ESYT2: variants seen among roughly 807,000 people sequenced by gnomAD.
ESYT2 encodes extended synaptotagmin 2, also known as extended synaptotagmin-2.
ESYT2 carries 54 observed loss-of-function variants against 107.2 expected under a neutral mutation model. The ratio of observed to expected loss-of-function variants is 0.50; its 90% CI spans 0.40 to 0.63. The LOEUF (loss-of-function observed/expected upper bound fraction) is 0.63, where lower values mean the gene tolerates loss of function less well. Ranked by LOEUF, ESYT2 falls within the 30% of genes least tolerant of loss-of-function variation. ESYT2 has a pLI of 0.00. For synonymous variants in ESYT2, 491 were observed against 434.1 expected, an observed-to-expected ratio of 1.13 and a Z score of -1.63; for missense variants, 1,020 against 1,094.5, an observed-to-expected ratio of 0.93 and a Z score of 0.96.
intron 21 of ESYT2, among the ~76,000 whole-genome samples, chr7:158,734,731 T>C (rs982860201): frequency 6.6e-6 from 1 of 152,246 alleles, no homozygotes; most frequent in Non-Finnish European, 1.5e-5. Context: ...GAAGCTGCAG[T>C]GAGCCATGAT....
intron 20 of ESYT2, among the ~76,000 whole-genome samples, chr7:158,735,911 A>G (rs3816465): frequency 0.71 from 107,874 of 151,984 alleles, 39,300 homozygotes; most frequent in Non-Finnish European, 0.79. Flanking sequence ...CTTCCAGGGG[A>G]TTAAAATGTG....
rs954972267 is a variant in ESYT2 at position 158,731,267 on chromosome 7, A to G, written c.*2940T>C. ...AAAAGGAATTCTTACCGTGCAGAAT[A>G]TATTATCATGGTAAATACAGTTACA... On this transcript the variant is annotated 3_prime_UTR_variant, in exon 23 of 23. Coordinates refer to ENST00000275418, the MANE Select transcript of ESYT2 (RefSeq NM_001367773.1). The G allele has an allele frequency of 6.6e-6, 1 of 152,236 alleles. No homozygotes were observed. Among genetic ancestry groups the G allele is most frequent in the Non-Finnish European group, 1.5e-5 (1 of 68,052 alleles). 9.4% of individuals were successfully genotyped at this position (152,236 alleles called of 1,614,324 possible). A position where few individuals can be genotyped will look rare whatever the true frequency, so the allele number is the denominator to read the frequency against.
At chr7:158,769,079 A>G (rs545883751) in intron 7 of ESYT2, among the ~76,000 whole-genome samples, 13 of 148,038 alleles carry the variant, frequency 8.8e-5, no homozygotes, top group African/African-American at 3.3e-4. Context: ...ATAATTACAA[A>G]TAAATTCTGA....
chr7:158,735,731 G>A, intron 20 of ESYT2, 123 bp from the exon 21 acceptor site: 6 of 851,170 alleles, frequency 7.0e-6, no homozygotes. Context: ...TTATAAAACT[G>A]AGTTCTTCTA....
intron 1 of ESYT2, among the ~76,000 whole-genome samples, chr7:158,818,268 CCTT>C (rs1451046268): frequency 6.6e-6 from 1 of 152,088 alleles, no homozygotes; most frequent in Non-Finnish European, 1.5e-5. Context: ...TTAGCCATGT[CCTT>C]GGAACAATAT....
chr7:158,735,101 C>A (rs187996765), intron 21 of ESYT2, among the ~76,000 whole-genome samples: 194 of 152,338 alleles, frequency 1.3e-3, no homozygotes, highest in African/African-American at 4.2e-3. Context: ...GCCCGTGACT[C>A]AAATCTCTTC....
intron 1 of ESYT2, among the ~76,000 whole-genome samples, chr7:158,810,768 A>C (rs1172431205): frequency 6.6e-6 from 1 of 152,030 alleles, no homozygotes; most frequent in East Asian, 1.9e-4. Flanking sequence ...CTTCCTCTAG[A>C]GACAAAGCGA....
At chr7:158,779,996 T>A (rs967457019) in intron 6 of ESYT2, among the ~76,000 whole-genome samples, 26 of 152,232 alleles carry the variant, frequency 1.7e-4, no homozygotes, top group Admixed American at 1.7e-3. Flanking sequence ...GCCCCCATTA[T>A]TGTGACACCC....
In ESYT2 at chr7:158,752,791, C is replaced by T. The variant is rs78543587; in HGVS notation, c.1472G>A (p.Arg491Lys). Residue 491 changes from arginine (R) to lysine (K), a missense_variant, in exon 14 of 23, where the codon AGA becomes AAA. Physicochemically the swap from Arg to Lys is conservative, Grantham distance 26. Transcript: ENST00000275418. Reference protein sequence around the residue: ...PDVLKKTAVQRALKSGKKISS... With the variant: ...PDVLKKTAVQKALKSGKKISS... ...GGGAAAACAGTTTACCTTTAAAGCT[C>T]TCTGAACTGCAGTCTTCTTCAAGAC... 3 of 1,303,772 alleles carry T rather than the reference C, an allele frequency of 2.3e-6. No homozygotes were observed. The highest frequency in any genetic ancestry group is 1.5e-5 in the African/African-American group (1 of 65,868). The allele number at this position is 1,303,772 out of a possible 1,614,324, so 80.8% of individuals were successfully genotyped here. A position where few individuals can be genotyped will look rare whatever the true frequency, so the allele number is the denominator to read the frequency against.
chr7:158,806,614 G>A (rs879508886), intron 1 of ESYT2, among the ~76,000 whole-genome samples: 3 of 152,246 alleles, frequency 2.0e-5, no homozygotes, highest in South Asian at 2.1e-4. Flanking sequence ...AAACACGTCC[G>A]TGAAGAATAT....
At chr7:158,779,961 AC>A (rs1838714313) in intron 6 of ESYT2, among the ~76,000 whole-genome samples, 1 of 152,116 alleles carries the variant, frequency 6.6e-6, no homozygotes, top group Non-Finnish European at 1.5e-5. Context: ...CTTGGTTTCT[AC>A]CACTAAGGGC....
intron 7 of ESYT2, 60 bp from the exon 8 acceptor site, chr7:158,767,834 C>A: frequency 6.4e-7 from 1 of 1,558,104 alleles, no homozygotes; most frequent in South Asian, 1.2e-5. Flanking sequence ...GCTTCTCTCA[C>A]CTTTGACAAC....
At chr7:158,794,277 G>C (rs778246584) in intron 3 of ESYT2, among the ~76,000 whole-genome samples, 1 of 152,234 alleles carries the variant, frequency 6.6e-6, no homozygotes, top group Non-Finnish European at 1.5e-5. Context: ...AGGACTGCTT[G>C]AAGCCAGAAG....
At chr7:158,786,603 A>T in intron 6 of ESYT2, among the ~76,000 whole-genome samples, 1 of 152,228 alleles carries the variant, frequency 6.6e-6, no homozygotes, top group East Asian at 1.9e-4. Flanking sequence ...AAATCAGAAC[A>T]ATTATTTTAT....
At chr7:158,822,230 CA>C (rs1840306143) in intron 1 of ESYT2, among the ~76,000 whole-genome samples, 1 of 152,150 alleles carries the variant, frequency 6.6e-6, no homozygotes, top group Non-Finnish European at 1.5e-5. Context: ...TTCTATAATA[CA>C]TGATAAAATT....
intron 6 of ESYT2, among the ~76,000 whole-genome samples, chr7:158,782,200 C>A (rs1175739502): frequency 6.8e-6 from 1 of 147,262 alleles, no homozygotes; most frequent in Admixed American, 6.8e-5. Context: ...CAAGTGAGAA[C>A]AAGTGTGAAC....
chr7:158,772,488 C>T (rs1838406757), intron 7 of ESYT2, among the ~76,000 whole-genome samples: 1 of 152,164 alleles, frequency 6.6e-6, no homozygotes, highest in Non-Finnish European at 1.5e-5. Context: ...TAGAAAATAT[C>T]CACTAGAAAC....
intron 13 of ESYT2, among the ~76,000 whole-genome samples, chr7:158,755,339 G>C (rs530184107): frequency 6.6e-6 from 1 of 152,338 alleles, no homozygotes; most frequent in African/African-American, 2.4e-5. Flanking sequence ...TTGTTTTACG[G>C]AACATCTTAG....
intron 1 of ESYT2, among the ~76,000 whole-genome samples, chr7:158,814,292 T>A (rs1460255880): frequency 0.047 from 134 of 2,824 alleles, 7 homozygotes; most frequent in Non-Finnish European, 0.069. Context: ...AAAAATTATA[T>A]ATATATATAT....
Sources: gnomAD v4.1 joint callset for allele counts (sites outside exome capture counted in the v4.1 genomes callset) on GRCh38, gnomAD v4.1.1 for gene constraint, MANE v1.5 for transcripts, NCBI Gene and HGNC (gene_info 2026-07-23, HGNC 2026-07-21) for gene names.